The following CADM2 variants were observed in gnomAD, a reference collection of about 807,000 sequenced individuals.
CADM2 encodes the protein cell adhesion molecule 2.
A neutral mutation model predicts 49.8 loss-of-function variants in CADM2; 12 were observed. The observed-to-expected ratio is 0.24, with a 90% confidence interval of 0.15 to 0.39. CADM2 has a LOEUF of 0.39. Among genes scored for constraint, CADM2 ranks in the 10% least tolerant of loss-of-function variants. CADM2 has a pLI of 1.00. For synonymous variants in CADM2, 214 were observed against 175.4 expected, an observed-to-expected ratio of 1.22 and a Z score of -1.74; for missense variants, 378 against 492.3, an observed-to-expected ratio of 0.77 and a Z score of 2.20.
intron 8 of CADM2, among the ~76,000 whole-genome samples, chr3:86,060,500 A>T (rs1738500549): frequency 6.6e-6 from 1 of 152,176 alleles, no homozygotes; most frequent in Admixed American, 6.5e-5. Context: ...TGTTCAAGTC[A>T]TCCCAACAGT....
intron 7 of CADM2, among the ~76,000 whole-genome samples, chr3:85,937,964 A>C (rs1721383307): frequency 6.6e-6 from 1 of 152,080 alleles, no homozygotes; most frequent in Admixed American, 6.6e-5. Context: ...AATATGTATT[A>C]ACTGATTTCT....
intron 3 of CADM2, among the ~76,000 whole-genome samples, chr3:85,858,905 G>A (rs1183617727): frequency 1.3e-5 from 2 of 152,142 alleles, no homozygotes; most frequent in African/African-American, 2.4e-5. Context: ...CAGCCTATAT[G>A]ATAGTTTAGT....
At chr3:85,669,635 C>CA (rs1439525513) in intron 1 of CADM2, among the ~76,000 whole-genome samples, 1 of 152,030 alleles carries the variant, frequency 6.6e-6, no homozygotes, top group Non-Finnish European at 1.5e-5. Context: ...TGCCTATAAT[C>CA]AACCATAATA....
intron 1 of CADM2, among the ~76,000 whole-genome samples, chr3:85,424,835 T>C (rs1162570756): frequency 2.6e-5 from 4 of 152,158 alleles, no homozygotes; most frequent in Non-Finnish European, 5.9e-5. Flanking sequence ...AATAGACTTT[T>C]TGGACACTAG....
intron 1 of CADM2, among the ~76,000 whole-genome samples, chr3:85,002,456 A>G (rs2033509153): frequency 1.3e-5 from 2 of 152,210 alleles, no homozygotes; most frequent in East Asian, 1.9e-4. Flanking sequence ...TTTATTACCC[A>G]TCACAATCAG....
intron 7 of CADM2, among the ~76,000 whole-genome samples, chr3:85,942,281 A>G (rs1161310492): frequency 6.6e-6 from 1 of 151,782 alleles, no homozygotes; most frequent in Non-Finnish European, 1.5e-5. Flanking sequence ...AAACATGGAC[A>G]AGAACAACTG....
chr3:85,646,983 T>A (rs1395202504), intron 1 of CADM2, among the ~76,000 whole-genome samples: 1 of 151,856 alleles, frequency 6.6e-6, no homozygotes, highest in Non-Finnish European at 1.5e-5. Context: ...TTTGGTTTTC[T>A]ATGGAAATTT....
intron 1 of CADM2, among the ~76,000 whole-genome samples, chr3:85,104,165 G>A (rs555416472): frequency 5.0e-4 from 76 of 151,170 alleles, no homozygotes; most frequent in Middle Eastern, 3.4e-3. Context: ...TTCTTCTAGG[G>A]TTTTTATGGT....
chr3:85,549,078 A>G (rs975774323), intron 1 of CADM2, among the ~76,000 whole-genome samples: 2 of 152,224 alleles, frequency 1.3e-5, no homozygotes, highest in African/African-American at 2.4e-5. Flanking sequence ...AGCATAATCA[A>G]TAAATGTACA....
chr3:85,478,456 C>T (rs1163926470), intron 1 of CADM2, among the ~76,000 whole-genome samples: 1 of 151,738 alleles, frequency 6.6e-6, no homozygotes, highest in Non-Finnish European at 1.5e-5. Context: ...AATGACTGAA[C>T]AAGATGTTTT....
At chr3:85,019,147 G>A (rs891201384) in intron 1 of CADM2, among the ~76,000 whole-genome samples, 3 of 152,174 alleles carry the variant, frequency 2.0e-5, no homozygotes, top group Non-Finnish European at 4.4e-5. Context: ...ACTAGAGAGT[G>A]ACCAGCCATT....
chr3:85,357,766 G>A (rs1277148238), intron 1 of CADM2, among the ~76,000 whole-genome samples: 2 of 152,038 alleles, frequency 1.3e-5, no homozygotes, highest in East Asian at 1.9e-4. Context: ...GAAATACTAA[G>A]TAAATTATCA....
At chr3:85,583,611 G>T (rs2062855513) in intron 1 of CADM2, among the ~76,000 whole-genome samples, 1 of 152,024 alleles carries the variant, frequency 6.6e-6, no homozygotes, top group Non-Finnish European at 1.5e-5. Flanking sequence ...TATAGAAGAT[G>T]TTTATTTTTA....
rs530049339 is a variant in CADM2 at position 85,216,010 on chromosome 3, T to C, written c.61+256342T>C. Among the ~76,000 whole-genome samples, 271 of 152,162 alleles carry C rather than the reference T, an allele frequency of 1.8e-3. 1 individual carries two copies. The highest frequency in any genetic ancestry group is 3.2e-3 in the Non-Finnish European group (218 of 68,002). On this transcript the variant is annotated intron_variant, in intron 1 of 9. Coordinates refer to ENST00000383699, the MANE Select transcript of CADM2 (RefSeq NM_001167675.2). ...TGTTTCCTTCCCTCTTCAGTGTCTC[T>C]TTCCTTACTATGACGTTAAAGCCAG...
chr3:85,750,656 T>C (rs2068822047), intron 2 of CADM2, among the ~76,000 whole-genome samples: 1 of 152,116 alleles, frequency 6.6e-6, no homozygotes, highest in Admixed American at 6.6e-5. Context: ...TGGGGCATTT[T>C]TATTAAAATG....
chr3:85,975,321 C>G (rs1726644041), intron 8 of CADM2, among the ~76,000 whole-genome samples: 1 of 151,072 alleles, frequency 6.6e-6, no homozygotes, highest in East Asian at 2.0e-4. Context: ...ATTACACATT[C>G]CTATATATTG....
At chr3:85,506,411 C>T (rs1407023267) in intron 1 of CADM2, among the ~76,000 whole-genome samples, 1 of 152,154 alleles carries the variant, frequency 6.6e-6, no homozygotes, top group Non-Finnish European at 1.5e-5. Context: ...TGGACCAGGA[C>T]ATGCAACATT....
chr3:85,253,398 ACT>A (rs1461869798), intron 1 of CADM2, among the ~76,000 whole-genome samples: 1 of 151,770 alleles, frequency 6.6e-6, no homozygotes, highest in African/African-American at 2.4e-5. Context: ...CTTGATGATC[ACT>A]CTTTTTTTCC....
intron 1 of CADM2, among the ~76,000 whole-genome samples, chr3:85,172,701 A>G (rs1447646002): frequency 6.6e-6 from 1 of 151,926 alleles, no homozygotes; most frequent in African/African-American, 2.4e-5. Flanking sequence ...AGGTTTTAAT[A>G]GGGAGATTTA....
Sources: allele counts gnomAD v4.1 joint callset (sites outside exome capture counted in the v4.1 genomes callset), GRCh38; gene constraint gnomAD v4.1.1; transcripts MANE v1.5; gene names NCBI Gene and HGNC (gene_info 2026-07-23, HGNC 2026-07-21).